The following GABRG2 variants were observed in gnomAD, a reference collection of about 807,000 sequenced individuals.
GABRG2 encodes the protein gamma-aminobutyric acid type A receptor subunit gamma2.
In GABRG2, 16 loss-of-function variants were observed where a neutral mutation model predicts 56.4. The observed-to-expected ratio is 0.28, with a 90% CI of 0.19 to 0.43. The LOEUF is 0.43. GABRG2 is among the 20% of genes least tolerant of loss of function. The pLI is 1.00. For synonymous variants in GABRG2, 208 were observed against 205.5 expected (o/e 1.01, Z -0.10); for missense variants, 327 against 582.7 (o/e 0.56, Z 4.52).
chr5:162,079,875 G>A (rs1759509769), intron 1 of GABRG2, among the ~76,000 whole-genome samples: 1 of 152,088 alleles, frequency 6.6e-6, no homozygotes. Flanking sequence ...TGTCTCCTGG[G>A]TTCAAGCAAT....
intron 1 of GABRG2, among the ~76,000 whole-genome samples, chr5:162,084,387 G>A (rs1581319331): frequency 6.6e-6 from 1 of 151,798 alleles, no homozygotes; most frequent in South Asian, 2.1e-4. Flanking sequence ...AAACACTATA[G>A]CAAGTGACGT....
At chr5:162,071,390 T>C (rs1249452064) in intron 1 of GABRG2, among the ~76,000 whole-genome samples, 3 of 151,628 alleles carry the variant, frequency 2.0e-5, no homozygotes, top group Non-Finnish European at 4.4e-5. Context: ...GTAATATACT[T>C]AGAGTGACAA....
intron 1 of GABRG2, among the ~76,000 whole-genome samples, chr5:162,093,047 G>A (rs994881546): frequency 6.6e-6 from 1 of 152,114 alleles, no homozygotes; most frequent in Non-Finnish European, 1.5e-5. Context: ...CCCAATTGCT[G>A]AAAGGGTTTC....
At chr5:162,111,619 A>G (rs370674942) in intron 6 of GABRG2, among the ~76,000 whole-genome samples, 1 of 152,190 alleles carries the variant, frequency 6.6e-6, no homozygotes, top group South Asian at 2.1e-4. Context: ...TCTAGCATCT[A>G]TGCAATATAC....
intron 1 of GABRG2, among the ~76,000 whole-genome samples, chr5:162,075,316 C>T (rs1230784089): frequency 6.6e-6 from 1 of 152,012 alleles, no homozygotes; most frequent in South Asian, 2.1e-4. Flanking sequence ...ATTAACTCAC[C>T]TTTTTGAAGT....
chr5:162,098,580 A>G (rs369445137), intron 4 of GABRG2: 4 of 152,400 alleles, frequency 2.6e-5, no homozygotes, highest in African/African-American at 9.6e-5. Flanking sequence ...ATAGATAAGT[A>G]CATAGTCTTA....
intron 6 of GABRG2, chr5:162,129,246 G>A (rs535675360): frequency 6.6e-6 from 1 of 152,042 alleles, no homozygotes; most frequent in South Asian, 2.1e-4. Context: ...TGAAATCTTG[G>A]TGAATTTGAC....
chr5:162,082,540 A>G (rs1046488754), intron 1 of GABRG2, among the ~76,000 whole-genome samples: 1 of 151,660 alleles, frequency 6.6e-6, no homozygotes, highest in Non-Finnish European at 1.5e-5. Flanking sequence ...GTAATTTTGG[A>G]CTTTCCAAAA....
chr5:162,100,655 T>A (rs1272288280), intron 4 of GABRG2, among the ~76,000 whole-genome samples: 1 of 152,208 alleles, frequency 6.6e-6, no homozygotes, highest in Non-Finnish European at 1.5e-5. Context: ...CCATTAGATA[T>A]TCTTCTACTC....
chr5:162,109,430 A>C (rs1481351408), intron 6 of GABRG2, among the ~76,000 whole-genome samples: 1 of 139,460 alleles, frequency 7.2e-6, no homozygotes, highest in Admixed American at 7.2e-5. Context: ...ATATTTATTT[A>C]TATAAAATGA....
intron 6 of GABRG2, among the ~76,000 whole-genome samples, chr5:162,137,286 T>A (rs1278406187): frequency 6.6e-6 from 1 of 152,150 alleles, no homozygotes; most frequent in Non-Finnish European, 1.5e-5. Context: ...ATCCAAGAAA[T>A]TTTAAAATAA....
intron 2 of GABRG2, chr5:162,094,208 G>A: frequency 5.9e-6 from 3 of 510,540 alleles, no homozygotes; most frequent in Non-Finnish European, 1.0e-5. Context: ...GCTAGAGTTA[G>A]AAATTCACAT....
chr5:162,077,569 G>GT (rs985851018), intron 1 of GABRG2, among the ~76,000 whole-genome samples: 1 of 152,150 alleles, frequency 6.6e-6, no homozygotes, highest in African/African-American at 2.4e-5. Context: ...ATGTATGACA[G>GT]TTTAAGTTAC....
chr5:162,093,320 T>C (rs981127165), intron 1 of GABRG2, among the ~76,000 whole-genome samples: 5 of 152,068 alleles, frequency 3.3e-5, no homozygotes, highest in Non-Finnish European at 4.4e-5. Flanking sequence ...AGCAAAGAGA[T>C]TGAGCTCTCT....
At chr5:162,078,909 C>G (rs930142349) in intron 1 of GABRG2, among the ~76,000 whole-genome samples, 4 of 151,340 alleles carry the variant, frequency 2.6e-5, no homozygotes, top group African/African-American at 7.3e-5. Context: ...TCTAGATAAA[C>G]AAAAGTCTAC....
chr5:162,115,103 G>T (rs1762525497), intron 6 of GABRG2, among the ~76,000 whole-genome samples: 2 of 152,152 alleles, frequency 1.3e-5, no homozygotes. Context: ...TTGATAAAAT[G>T]AGGCAGCTGT....
At chr5:162,124,382 T>C (rs955233546) in intron 6 of GABRG2, among the ~76,000 whole-genome samples, 4 of 151,820 alleles carry the variant, frequency 2.6e-5, no homozygotes, top group African/African-American at 9.7e-5. Context: ...ATGAGAGAAA[T>C]TGCTTTATAA....
At chr5:162,093,118 TA>T (rs764881175) in intron 1 of GABRG2, among the ~76,000 whole-genome samples, 2 of 152,198 alleles carry the variant, frequency 1.3e-5, no homozygotes, top group Non-Finnish European at 2.9e-5. Flanking sequence ...TGATCAGTTA[TA>T]ACAAGTCATT....
chr5:162,109,389 A>AATATATATATATATATATATAT (rs535370579), intron 6 of GABRG2, among the ~76,000 whole-genome samples: 30 of 116,220 alleles, frequency 2.6e-4, no homozygotes, highest in African/African-American at 6.2e-4. Context: ...CTTAAAGTAT[A>AATATATATATATATATATATAT]ATATATATAT....
Sources: gnomAD v4.1 joint callset for allele counts (sites outside exome capture counted in the v4.1 genomes callset) on GRCh38, gnomAD v4.1.1 for gene constraint, MANE v1.5 for transcripts, NCBI Gene and HGNC (gene_info 2026-07-23, HGNC 2026-07-21) for gene names.